AGBL4: variants seen among roughly 807,000 people sequenced by gnomAD.
AGBL4 encodes AGBL carboxypeptidase 4, also known as cytosolic carboxypeptidase 6.
A neutral mutation model predicts 66.4 loss-of-function variants in AGBL4; 58 were observed. That is an observed-to-expected ratio of 0.87 (90% confidence interval 0.71 to 1.09). The LOEUF is 1.09. Among genes scored for constraint, AGBL4 ranks in the 50% least tolerant of loss-of-function variants. AGBL4 has a pLI of 0.00. For missense variants in AGBL4, 579 were observed against 631.0 expected (o/e 0.92, Z 0.88); for synonymous variants, 234 against 222.9 (o/e 1.05, Z -0.44).
At chr1:48,587,447 C>T (rs908676488) in intron 10 of AGBL4, among the ~76,000 whole-genome samples, 1 of 151,706 alleles carries the variant, frequency 6.6e-6, no homozygotes, top group East Asian at 2.0e-4. Context: ...AAAGAAGCAA[C>T]TACATTTTGA....
intron 9 of AGBL4, among the ~76,000 whole-genome samples, chr1:48,600,317 C>A (rs1459421667): frequency 6.6e-6 from 1 of 152,144 alleles, no homozygotes; most frequent in Non-Finnish European, 1.5e-5. Flanking sequence ...TCTGGAAGAG[C>A]TATGGGGGAG....
intron 2 of AGBL4, among the ~76,000 whole-genome samples, chr1:49,740,624 T>C (rs1470168660): frequency 1.3e-5 from 2 of 152,152 alleles, no homozygotes; most frequent in Non-Finnish European, 2.9e-5. Context: ...ACCACACCTA[T>C]TCCAAAATTG....
At chr1:48,964,583 G>T (rs1251489669) in intron 5 of AGBL4, among the ~76,000 whole-genome samples, 3 of 152,096 alleles carry the variant, frequency 2.0e-5, no homozygotes, top group African/African-American at 4.8e-5. Context: ...TTTATACATA[G>T]ATATGAATTC....
intron 11 of AGBL4, among the ~76,000 whole-genome samples, chr1:48,556,111 CCAGT>C (rs1308628914): frequency 6.6e-6 from 1 of 152,136 alleles, no homozygotes; most frequent in Non-Finnish European, 1.5e-5. Context: ...ATTAAAAGGA[CCAGT>C]TAGTGGAATT....
rs566161599 is a variant in AGBL4 at position 49,214,815 on chromosome 1, A to T, written c.377+30955T>A. ...CTTGACCTGAAAACCTTGAGATTGA[A>T]GCGGTGGGTAAGGGATAAAGGGAGT... On this transcript the variant is annotated intron_variant, in intron 4 of 13. Coordinates refer to ENST00000371839, the MANE Select transcript of AGBL4 (RefSeq NM_032785.4). Among the ~76,000 whole-genome samples, 5 of 152,230 alleles carry T rather than the reference A, an allele frequency of 3.3e-5. No homozygotes were observed. The South Asian group carries it at 1.0e-3, about 32-fold the overall frequency.
intron 1 of AGBL4, among the ~76,000 whole-genome samples, chr1:49,977,943 C>T (rs979839320): frequency 2.6e-5 from 4 of 152,192 alleles, no homozygotes; most frequent in African/African-American, 9.6e-5. Flanking sequence ...TCTCTTTCTG[C>T]ATATTCTCTT....
intron 3 of AGBL4, among the ~76,000 whole-genome samples, chr1:49,583,677 A>T (rs1644590091): frequency 6.6e-6 from 1 of 152,144 alleles, no homozygotes; most frequent in South Asian, 2.1e-4. Flanking sequence ...GTCATATGGA[A>T]AACAGCGACA....
At chr1:48,754,411 C>T (rs758911204) in intron 6 of AGBL4, among the ~76,000 whole-genome samples, 3 of 152,152 alleles carry the variant, frequency 2.0e-5, no homozygotes, top group Non-Finnish European at 4.4e-5. Context: ...CAGCACCTAA[C>T]CCAGTCCTGG....
At chr1:49,352,328 T>TTC (rs1270121400) in intron 3 of AGBL4, among the ~76,000 whole-genome samples, 1 of 152,020 alleles carries the variant, frequency 6.6e-6, no homozygotes, top group African/African-American at 2.4e-5. Context: ...GAATAAAGTA[T>TTC]TCTCTTTCTT....
At chr1:48,979,743 T>C (rs1271660914) in intron 5 of AGBL4, among the ~76,000 whole-genome samples, 1 of 152,112 alleles carries the variant, frequency 6.6e-6, no homozygotes, top group Non-Finnish European at 1.5e-5. Context: ...AGAAAGACAC[T>C]GGATTTTAAG....
At chr1:48,542,140 C>T (rs1363866726) in intron 11 of AGBL4, among the ~76,000 whole-genome samples, 2 of 152,150 alleles carry the variant, frequency 1.3e-5, no homozygotes, top group Admixed American at 1.3e-4. Flanking sequence ...TGGTTTCCAG[C>T]TTCATCCATG....
At chr1:49,040,639 C>T (rs373081445) in intron 5 of AGBL4, among the ~76,000 whole-genome samples, 9 of 152,046 alleles carry the variant, frequency 5.9e-5, no homozygotes, top group African/African-American at 2.2e-4. Context: ...ACTACTGATA[C>T]ATGCTATAAT....
chr1:49,003,261 G>C (rs1006968039), intron 5 of AGBL4, among the ~76,000 whole-genome samples: 3 of 152,044 alleles, frequency 2.0e-5, no homozygotes, highest in African/African-American at 7.2e-5. Flanking sequence ...AGCTGGGCGT[G>C]GTGGCACATG....
chr1:48,908,324 A>G (rs958917838), intron 5 of AGBL4, among the ~76,000 whole-genome samples: 10 of 152,154 alleles, frequency 6.6e-5, no homozygotes, highest in Admixed American at 4.6e-4. Flanking sequence ...TTTTCAAAAA[A>G]TTCGGGGAAA....
chr1:49,510,122 A>G (rs1649074627), intron 3 of AGBL4, among the ~76,000 whole-genome samples: 5 of 152,110 alleles, frequency 3.3e-5, no homozygotes, highest in Admixed American at 3.3e-4. Context: ...ATCATCCTCT[A>G]GTTCCTCTCC....
chr1:48,850,301 C>T (rs1189122635), intron 6 of AGBL4, among the ~76,000 whole-genome samples: 1 of 152,170 alleles, frequency 6.6e-6, no homozygotes. Context: ...TTGCAGCTGT[C>T]AGATCCCAGA....
chr1:48,845,519 A>C (rs57646859), intron 6 of AGBL4, among the ~76,000 whole-genome samples: 1 of 152,216 alleles, frequency 6.6e-6, no homozygotes, highest in Non-Finnish European at 1.5e-5. Context: ...GGGTGAGGGA[A>C]GTTAAGGGGA....
chr1:49,890,392 T>C (rs773583414), intron 1 of AGBL4, among the ~76,000 whole-genome samples: 1 of 152,046 alleles, frequency 6.6e-6, no homozygotes, highest in Non-Finnish European at 1.5e-5. Context: ...TCAGGGGCCC[T>C]TGCAGCAAAT....
At chr1:48,749,385 C>T (rs562178430) in intron 6 of AGBL4, among the ~76,000 whole-genome samples, 16 of 152,260 alleles carry the variant, frequency 1.1e-4, no homozygotes, top group African/African-American at 2.9e-4. Flanking sequence ...TCACTAAACA[C>T]GTGTTTAGCG....
Sources: allele counts gnomAD v4.1 joint callset (sites outside exome capture counted in the v4.1 genomes callset), GRCh38; gene constraint gnomAD v4.1.1; transcripts MANE v1.5; gene names NCBI Gene and HGNC (gene_info 2026-07-23, HGNC 2026-07-21).